MKLN1: variants seen among roughly 807,000 people sequenced by gnomAD.
MKLN1 encodes the protein muskelin.
Under a neutral mutation model 99.0 loss-of-function variants are expected in MKLN1, and 18 were observed. The observed-to-expected ratio is 0.18, with a 90% confidence interval of 0.13 to 0.27. MKLN1 has a LOEUF of 0.27. MKLN1 is among the 10% of genes least tolerant of loss of function. MKLN1 has a pLI of 1.00. For synonymous variants in MKLN1, 288 were observed against 293.2 expected (o/e 0.98, Z 0.18); for missense variants, 621 against 875.9 (o/e 0.71, Z 3.67).
At chr7:131,390,408 A>G (rs1193628794) in intron 4 of MKLN1, among the ~76,000 whole-genome samples, 3 of 152,106 alleles carry the variant, frequency 2.0e-5, no homozygotes, top group Admixed American at 6.6e-5. Flanking sequence ...AGCTTTAACA[A>G]TTTTATGATT....
intron 3 of MKLN1, among the ~76,000 whole-genome samples, chr7:131,297,539 G>A (rs548095780): frequency 1.3e-5 from 2 of 151,982 alleles, no homozygotes; most frequent in Non-Finnish European, 2.9e-5. Flanking sequence ...CCTTGAGTAT[G>A]TGTAGATTTT....
chr7:131,478,336 G>T, intron 16 of MKLN1: 1 of 306,706 alleles, frequency 3.3e-6, no homozygotes, highest in Non-Finnish European at 5.9e-6. Flanking sequence ...ATTTTGTTGT[G>T]CTGTTGTTCC....
chr7:131,221,940 C>G (rs1797066610), intron 3 of MKLN1, among the ~76,000 whole-genome samples: 1 of 152,052 alleles, frequency 6.6e-6, no homozygotes, highest in Non-Finnish European at 1.5e-5. Flanking sequence ...GAGTGTTGCT[C>G]TGTCGCCCAG....
chr7:131,203,909 A>G (rs73149856), intron 3 of MKLN1, among the ~76,000 whole-genome samples: 5,950 of 152,192 alleles, frequency 0.039, 149 homozygotes, highest in Middle Eastern at 0.075. Context: ...TCATTTATTG[A>G]TGACTCCATG....
intron 3 of MKLN1, among the ~76,000 whole-genome samples, chr7:131,284,727 C>T (rs376204018): frequency 4.6e-5 from 7 of 152,202 alleles, no homozygotes; most frequent in African/African-American, 1.7e-4. Context: ...GGCTTGCATA[C>T]GTGCGGTCGC....
Position 131,333,650 on chromosome 7 carries a change from C to T in MKLN1, c.98+5653C>T, listed in dbSNP as rs548347341. Among the ~76,000 whole-genome samples the T allele has an allele frequency of 2.6e-5, 4 of 152,098 alleles. No homozygotes were observed. The South Asian group carries it at 6.2e-4, about 24-fold the overall frequency. On this transcript the variant is annotated intron_variant, in intron 1 of 17. Transcript: ENST00000352689. ...CTCCCGGGTCCAAGCGATTCTCCTA[C>T]CTCAGCCTCCCAAGTAGCTGGGATT...
chr7:131,370,398 T>A (rs1037971532), intron 1 of MKLN1, among the ~76,000 whole-genome samples: 1 of 151,984 alleles, frequency 6.6e-6, no homozygotes, highest in African/African-American at 2.4e-5. Flanking sequence ...GAATCTTTTT[T>A]AAAGTCTTTA....
At chr7:131,486,008 G>C (rs1378455240) in intron 17 of MKLN1, among the ~76,000 whole-genome samples, 1 of 151,950 alleles carries the variant, frequency 6.6e-6, no homozygotes, top group African/African-American at 2.4e-5. Flanking sequence ...GCTGAAATTA[G>C]TTTGAGCCTA....
chr7:131,133,167 G>T (rs1319350374), intron 1 of MKLN1, among the ~76,000 whole-genome samples: 1 of 151,430 alleles, frequency 6.6e-6, no homozygotes, highest in East Asian at 1.9e-4. Flanking sequence ...AAGCTAGATG[G>T]CCACTTGTAC....
rs965411763 is a variant in MKLN1, at chr7:131,255,167, C to T, written c.-179+52193C>T. On this transcript the variant is annotated intron_variant, in intron 3 of 7. Coordinates refer to the MKLN1 transcript ENST00000416992. ...TATGTTTCCCAGGTGGTCTCAAATT[C>T]CTGTCCTCAAGGGATCCTCCTGCCT... Among the ~76,000 whole-genome samples the T allele has an allele frequency of 2.6e-5, 4 of 152,082 alleles. 1 individual carries two copies. The highest frequency in any genetic ancestry group is 4.2e-4 in the South Asian group (2 of 4,816).
chr7:131,212,329 A>T (rs1796917856), intron 3 of MKLN1, among the ~76,000 whole-genome samples: 1 of 152,174 alleles, frequency 6.6e-6, no homozygotes, highest in Admixed American at 6.5e-5. Flanking sequence ...TTAGCCTACC[A>T]ATCACTCACA....
intron 3 of MKLN1, among the ~76,000 whole-genome samples, chr7:131,290,230 G>A (rs1467672149): frequency 1.3e-5 from 2 of 152,146 alleles, no homozygotes; most frequent in Non-Finnish European, 1.5e-5. Context: ...TCTTGAATCC[G>A]GGAGGTAGAG....
At chr7:131,141,376 A>G (rs1795730118) in intron 1 of MKLN1, among the ~76,000 whole-genome samples, 1 of 152,154 alleles carries the variant, frequency 6.6e-6, no homozygotes, top group African/African-American at 2.4e-5. Context: ...AATGATATCC[A>G]CTATCCACCA....
chr7:131,433,499 C>T (rs961657446), intron 9 of MKLN1, among the ~76,000 whole-genome samples: 1 of 152,126 alleles, frequency 6.6e-6, no homozygotes, highest in Non-Finnish European at 1.5e-5. Flanking sequence ...ATCAAACTCT[C>T]ACCCTTTTAT....
In MKLN1 at chr7:131,437,703, GTTTAA is replaced by G. The variant is rs1287729989; in HGVS notation, c.961-78_961-74del. 7 of 1,097,262 alleles carry G rather than the reference GTTTAA, an allele frequency of 6.4e-6. No homozygotes were observed. The East Asian group carries it at 1.8e-4, about 28-fold the overall frequency. The allele number at this position is 1,097,262 out of a possible 1,614,324, so 68.0% of individuals were successfully genotyped here. On this transcript the variant is annotated intron_variant, in intron 9 of 17. Transcript: ENST00000352689. ...TTAATGAAAGGTAATAAAAAATGAC[GTTTAA>G]TTTTTCTATTATTTGTTCTTTGATT... is the stretch of plus-strand genomic sequence containing the variant.
At chr7:131,253,703 GGT>G (rs1797616130) in intron 3 of MKLN1, among the ~76,000 whole-genome samples, 4 of 152,200 alleles carry the variant, frequency 2.6e-5, no homozygotes. Flanking sequence ...AGAAGAGGCA[GGT>G]GATGAGAACA....
At chr7:131,451,923 C>A (rs917005787) in intron 12 of MKLN1, among the ~76,000 whole-genome samples, 8 of 152,164 alleles carry the variant, frequency 5.3e-5, no homozygotes, top group Admixed American at 5.2e-4. Flanking sequence ...TTCTCCTGTT[C>A]GTATTCATTC....
intron 1 of MKLN1, among the ~76,000 whole-genome samples, chr7:131,135,719 G>A (rs566997681): frequency 6.6e-6 from 1 of 152,278 alleles, no homozygotes; most frequent in East Asian, 1.9e-4. Context: ...ATGTCATGGA[G>A]GTCATTGCGA....
At chr7:131,239,383 G>T (rs1244529822) in intron 3 of MKLN1, among the ~76,000 whole-genome samples, 1 of 151,292 alleles carries the variant, frequency 6.6e-6, no homozygotes, top group African/African-American at 2.4e-5. Flanking sequence ...CACGATCATA[G>T]CTCATATCTC....
Sources: gnomAD v4.1 joint callset for allele counts (sites outside exome capture counted in the v4.1 genomes callset) on GRCh38, gnomAD v4.1.1 for gene constraint, MANE v1.5 for transcripts, NCBI Gene and HGNC (gene_info 2026-07-23, HGNC 2026-07-21) for gene names.